AVL9: variants seen among roughly 807,000 people sequenced by gnomAD.
AVL9 encodes late secretory pathway protein AVL9 homolog.
AVL9 carries 49 observed loss-of-function variants against 79.2 expected under a neutral mutation model. That is an observed-to-expected ratio of 0.62 (90% confidence interval 0.49 to 0.79). The LOEUF is 0.79. Among genes scored for constraint, AVL9 ranks in the 30% least tolerant of loss-of-function variants. AVL9 has a pLI of 0.00. For synonymous variants in AVL9, 299 were observed against 280.6 expected (o/e 1.07, Z -0.65); for missense variants, 682 against 776.8 (o/e 0.88, Z 1.45).
At position 32,523,958 on chromosome 7, in the gene AVL9, C is replaced by T. The variant is rs192400618; in HGVS notation, c.94-19183C>T. ...CTGTGTTAGCCAGGATGGTCTCGAT[C>T]TCCTGACCTCGTGATCTGCCCACCT... On this transcript the variant is annotated intron_variant, in intron 1 of 15. Transcript: ENST00000318709. 4.2e-4 allele frequency among the ~76,000 whole-genome samples: 64 copies of T among 151,964 alleles called. 1 individual carries two copies. Among genetic ancestry groups the T allele is most frequent in the African/African-American group, 1.5e-3 (61 of 41,494 alleles).
intron 8 of AVL9, among the ~76,000 whole-genome samples, chr7:32,554,938 A>G (rs1482311947): frequency 1.3e-5 from 2 of 152,168 alleles, no homozygotes; most frequent in Non-Finnish European, 2.9e-5. Flanking sequence ...AGCTTGTTCC[A>G]GGGCCTAGTT....
At chr7:32,545,883 C>T (rs894948952) in intron 3 of AVL9, among the ~76,000 whole-genome samples, 3 of 152,070 alleles carry the variant, frequency 2.0e-5, no homozygotes, top group Non-Finnish European at 4.4e-5. Context: ...CTGCACATTG[C>T]AATCACCTGG....
Position 32,552,304 on chromosome 7 carries a change from C to A in AVL9, c.529+9C>A. On this transcript the variant is annotated intron_variant, in intron 6 of 15. Coordinates refer to ENST00000318709, the MANE Select transcript of AVL9 (RefSeq NM_015060.3). ...ATCCCAAGTATATCTTGGTAAGTAA[C>A]TGACTTACAAGTTAAAAGAGATCCC... is the stretch of plus-strand genomic sequence containing the variant. 2 of 1,558,526 alleles carry A rather than the reference C, an allele frequency of 1.3e-6. No individual in the cohort carries two copies. Among genetic ancestry groups the A allele is most frequent in the Non-Finnish European group, 1.8e-6 (2 of 1,131,762 alleles).
intron 15 of AVL9, chr7:32,581,503 T>G (rs1304636321): frequency 6.6e-6 from 1 of 152,156 alleles, no homozygotes; most frequent in Non-Finnish European, 1.5e-5. Context: ...ACCAACACAG[T>G]TGCAAAAAGA....
Position 32,570,055 on chromosome 7 carries a change from G to T in AVL9, c.1251G>T (p.Gln417His). Residue 417 changes from glutamine to histidine, a missense_variant, in exon 11 of 16, where the codon CAG becomes CAT. Gln to His is a conservative substitution (Grantham distance 24). Transcript: ENST00000318709. ...YLCLPYMALQQHHLLSDVTVR... is the reference protein window; with the variant it reads ...YLCLPYMALQHHHLLSDVTVR... The stretch of plus-strand genomic sequence containing the variant: ...GTTTGCCTTACATGGCATTGCAGCA[G>T]CATCATCTTCTCTCCGATGTCACCG... The T allele has an allele frequency of 1.2e-6, 2 of 1,614,204 alleles. No individual in the cohort carries two copies. Among genetic ancestry groups the T allele is most frequent in the Non-Finnish European group, 1.7e-6 (2 of 1,180,026 alleles).
At chr7:32,500,582 G>GT (rs764329715) in intron 1 of AVL9, among the ~76,000 whole-genome samples, 41 of 150,860 alleles carry the variant, frequency 2.7e-4, no homozygotes, top group African/African-American at 4.1e-4. Context: ...GAGCTCTTTA[G>GT]TTTTTTTTTA....
chr7:32,509,559 G>C (rs903677896), intron 1 of AVL9, among the ~76,000 whole-genome samples: 5 of 152,176 alleles, frequency 3.3e-5, no homozygotes, highest in African/African-American at 1.2e-4. Context: ...TCCAAAGGTA[G>C]AGGCTTGTAT....
intron 1 of AVL9, among the ~76,000 whole-genome samples, chr7:32,528,928 T>C (rs1486501107): frequency 6.6e-6 from 1 of 152,086 alleles, no homozygotes; most frequent in Non-Finnish European, 1.5e-5. Flanking sequence ...GAGAATGGCG[T>C]GAACCCAGGG....
At position 32,587,512 on chromosome 7, in the gene AVL9, G is replaced by T. The variant is rs1791850348; in HGVS notation, c.*3605G>T. ...CCAGCGTTCTGACCTTTAACCACAT[G>T]AACTAACCTGCGTCAGCAGTTGCAG... is the stretch of plus-strand genomic sequence containing the variant. On this transcript the variant is annotated 3_prime_UTR_variant, in exon 16 of 16. Coordinates refer to ENST00000318709, the MANE Select transcript of AVL9 (RefSeq NM_015060.3). 6.6e-6 allele frequency: 1 copy of T among 152,250 alleles called. No individual in the cohort carries two copies. Among genetic ancestry groups the T allele is most frequent in the South Asian group, 2.1e-4 (1 of 4,830 alleles). The allele number at this position is 152,250 out of a possible 1,614,324, so 9.4% of individuals were successfully genotyped here. A position where few individuals can be genotyped will look rare whatever the true frequency, so the allele number is the denominator to read the frequency against.
intron 7 of AVL9, 37 bp downstream of exon 7, chr7:32,553,804 G>A: frequency 6.7e-7 from 1 of 1,485,406 alleles, no homozygotes; most frequent in Non-Finnish European, 9.4e-7. Flanking sequence ...ATGATGTACA[G>A]TACTAAAATG....
intron 15 of AVL9, among the ~76,000 whole-genome samples, chr7:32,582,217 T>C (rs1389045372): frequency 6.6e-6 from 1 of 152,248 alleles, no homozygotes; most frequent in African/African-American, 2.4e-5. Flanking sequence ...CCCCATCTGC[T>C]TTGTCATACA....
chr7:32,499,613 T>A (rs1787026892), intron 1 of AVL9, among the ~76,000 whole-genome samples: 1 of 152,136 alleles, frequency 6.6e-6, no homozygotes, highest in Admixed American at 6.5e-5. Context: ...AGTTCTGGGA[T>A]ACATGTGCGA....
At chr7:32,566,171 A>ATTTTTT (rs1485208811) in intron 10 of AVL9, among the ~76,000 whole-genome samples, 8 of 30,130 alleles carry the variant, frequency 2.7e-4, no homozygotes, top group African/African-American at 1.3e-3. Context: ...AATTTTAATT[A>ATTTTTT]TTATTATTAT....
chr7:32,520,946 T>C (rs1466895842), intron 1 of AVL9, among the ~76,000 whole-genome samples: 1 of 152,164 alleles, frequency 6.6e-6, no homozygotes, highest in Admixed American at 6.5e-5. Flanking sequence ...ATTCTCGTGA[T>C]AGTGAATAAG....
At chr7:32,572,679 G>A (rs536467345) in intron 11 of AVL9, among the ~76,000 whole-genome samples, 3 of 150,722 alleles carry the variant, frequency 2.0e-5, no homozygotes, top group African/African-American at 4.9e-5. Context: ...GTGGGCGCCT[G>A]TAGTCCCAGC....
intron 7 of AVL9, 78 bp downstream of exon 7, chr7:32,553,845 C>G (rs1789948561): frequency 3.0e-6 from 3 of 1,016,810 alleles, no homozygotes; most frequent in Non-Finnish European, 4.5e-6. Flanking sequence ...GCTCATTTAA[C>G]TGCCAAATTC....
At chr7:32,566,583 C>T (rs1052826461) in intron 10 of AVL9, among the ~76,000 whole-genome samples, 152 of 150,816 alleles carry the variant, frequency 1.0e-3, no homozygotes, top group African/African-American at 3.5e-3. Context: ...GTAGGCCAAA[C>T]AAATGTGACT....
At chr7:32,567,611 A>G (rs1293451832) in intron 10 of AVL9, among the ~76,000 whole-genome samples, 6 of 152,144 alleles carry the variant, frequency 3.9e-5, no homozygotes, top group African/African-American at 1.4e-4. Flanking sequence ...GGGGTATTCT[A>G]TGCAGAAACA....
intron 4 of AVL9, among the ~76,000 whole-genome samples, chr7:32,549,758 A>T (rs1026582004): frequency 3.3e-5 from 3 of 92,294 alleles, no homozygotes; most frequent in African/African-American, 7.0e-5. Context: ...ACTAAAAATT[A>T]AAAAAAAAAA....
Sources: allele counts gnomAD v4.1 joint callset (sites outside exome capture counted in the v4.1 genomes callset), GRCh38; gene constraint gnomAD v4.1.1; transcripts MANE v1.5; gene names NCBI Gene and HGNC (gene_info 2026-07-23, HGNC 2026-07-21).